The following AACS variants were observed in gnomAD, a reference collection of about 807,000 sequenced individuals.
The protein encoded by AACS is acetoacetate-CoA ligase.
Under a neutral mutation model 83.1 loss-of-function variants are expected in AACS, and 69 were observed. The ratio of observed to expected loss-of-function variants is 0.83; its 90% CI spans 0.68 to 1.01. The LOEUF is 1.01. Ranked by LOEUF, AACS falls within the 50% of genes least tolerant of loss-of-function variation. The probability of loss-of-function intolerance (pLI) is 0.00; values close to 1 mark genes in which losing one functional copy is unlikely to be tolerated. For synonymous variants in AACS, 333 were observed against 343.4 expected, an observed-to-expected ratio of 0.97 and a Z score of 0.33; for missense variants, 866 against 882.2, an observed-to-expected ratio of 0.98 and a Z score of 0.23.
chr12:125,122,921 C>T (rs1379028470), intron 10 of AACS: 1 of 152,238 alleles, frequency 6.6e-6, no homozygotes. Context: ...GCATGAGTGC[C>T]CGCAGGTGGG....
In AACS at chr12:125,073,880, T is replaced by A. The variant is rs1433550713; in HGVS notation, c.138T>A (p.Ser46Arg). 1 of 1,611,892 alleles carries A rather than the reference T, an allele frequency of 6.2e-7. No homozygotes were observed. The highest frequency in any genetic ancestry group is 8.5e-7 in the Non-Finnish European group (1 of 1,179,042). ...VGAACGLALE[S>R]YDDLYHWSVE... ...TCTGAGCTATTTCATTTTTAGAGAG[T>A]TATGATGACTTGTACCATTGGTCCG... Residue 46 changes from serine (S) to arginine (R), a missense_variant, in exon 2 of 18, where the codon AGT (serine) becomes AGA (arginine). Coordinates refer to ENST00000316519, the MANE Select transcript of AACS (RefSeq NM_023928.5).
intron 8 of AACS, among the ~76,000 whole-genome samples, chr12:125,109,610 C>T (rs12305181): frequency 1.3e-5 from 2 of 151,992 alleles, no homozygotes; most frequent in East Asian, 1.9e-4. Flanking sequence ...GAGTGTGTAG[C>T]GCGCTCATCA....
intron 3 of AACS, among the ~76,000 whole-genome samples, chr12:125,077,779 G>A (rs1026639344): frequency 3.3e-5 from 5 of 151,752 alleles, no homozygotes. Flanking sequence ...AGTGATCTCA[G>A]TTTGCTGCAA....
At chr12:125,076,734 A>G (rs1343075785) in intron 3 of AACS, 123 bp downstream of exon 3, 1 of 1,448,470 alleles carries the variant, frequency 6.9e-7, no homozygotes, top group East Asian at 2.3e-5. Context: ...TTCTGATGTA[A>G]TTAAGATTTC....
intron 3 of AACS, among the ~76,000 whole-genome samples, chr12:125,082,194 C>T (rs1956207089): frequency 7.4e-6 from 1 of 135,830 alleles, no homozygotes. Flanking sequence ...TTTTTGGAGA[C>T]AGGGTCTTGA....
chr12:125,104,034 AAT>A (rs1468097766), intron 7 of AACS, among the ~76,000 whole-genome samples: 1 of 133,364 alleles, frequency 7.5e-6, no homozygotes, highest in Non-Finnish European at 1.6e-5. Flanking sequence ...CTTCATTTTG[AAT>A]AGAGATTAAG....
chr12:125,085,283 C>T (rs553634927), intron 3 of AACS, among the ~76,000 whole-genome samples: 11 of 152,280 alleles, frequency 7.2e-5, no homozygotes, highest in Non-Finnish European at 1.5e-4. Flanking sequence ...CCTGGAACCA[C>T]GCACACGCAT....
intron 7 of AACS, among the ~76,000 whole-genome samples, chr12:125,103,708 G>T (rs1202847412): frequency 1.3e-5 from 2 of 152,068 alleles, no homozygotes; most frequent in Non-Finnish European, 2.9e-5. Flanking sequence ...TTCATTTTTG[G>T]CCAGGCATGG....
intron 5 of AACS, among the ~76,000 whole-genome samples, chr12:125,095,400 C>G (rs944287017): frequency 6.6e-6 from 1 of 152,174 alleles, no homozygotes; most frequent in African/African-American, 2.4e-5. Flanking sequence ...TATTTGAGCC[C>G]CAGATCACTG....
Position 125,076,389 on chromosome 12 carries a change from A to C in AACS, c.238-102A>C, listed in dbSNP as rs560924691. On this transcript the variant is annotated intron_variant, in intron 2 of 17. Coordinates refer to ENST00000316519, the MANE Select transcript of AACS (RefSeq NM_023928.5). ...CCAATGAGTGAGCTGGCTTCCTGGG[A>C]AGAAGAACCACTTTTGCTGATTTGT... The C allele has an allele frequency of 1.2e-5, 18 of 1,513,638 alleles. No homozygotes were observed. The African/African-American group carries it at 2.4e-4, about 20-fold the overall frequency. 93.8% of individuals were successfully genotyped at this position (1,513,638 alleles called of 1,614,324 possible).
rs780717330 is a variant in AACS, at chr12:125,142,104, G to A, written c.1894G>A (p.Gly632Ser). The A allele has an allele frequency of 5.6e-5, 90 of 1,613,932 alleles. No homozygotes were observed. The highest frequency in any genetic ancestry group is 4.0e-4 in the South Asian group (36 of 91,060). ...ETKGIPYTLNGKKVEVAVKQI... is the reference protein window; with the variant it reads ...ETKGIPYTLNSKKVEVAVKQI... ...CTTTCCCTCGCAGTATACGCTCAAC[G>A]GCAAGAAAGTGGAAGTTGCCGTCAA... The change falls in exon 18 of 18, where the codon GGC (glycine) becomes AGC (serine). Residue 632 changes from glycine (G) to serine (S), a missense_variant. Physicochemically the swap from Gly to Ser is moderately conservative, Grantham distance 56 (BLOSUM62 0). Transcript: ENST00000316519.
At position 125,102,989 on chromosome 12, in the gene AACS, G is replaced by C. The variant is rs1459814201; in HGVS notation, c.686-11G>C. On this transcript the variant is annotated splice_polypyrimidine_tract_variant and intron_variant, in intron 6 of 17. Coordinates refer to ENST00000316519, the MANE Select transcript of AACS (RefSeq NM_023928.5). ...CTGTAACCTTGTGTTTTCTCCTCTCGCTCCTTCCAGGCCTACCAGACTTGA... is the reference window on the plus strand; with the variant it reads ...CTGTAACCTTGTGTTTTCTCCTCTCCCTCCTTCCAGGCCTACCAGACTTGA... 6.2e-7 allele frequency: 1 copy of C among 1,609,188 alleles called. No homozygotes were observed. The highest frequency in any genetic ancestry group is 2.2e-5 in the East Asian group (1 of 44,844).
At chr12:125,131,901 T>C (rs1465566839) in intron 14 of AACS, among the ~76,000 whole-genome samples, 2 of 152,244 alleles carry the variant, frequency 1.3e-5, no homozygotes, top group Non-Finnish European at 2.9e-5. Flanking sequence ...CTGACCACTT[T>C]TTATTATTTT....
rs1367059634 is a variant in AACS at position 125,065,547 on chromosome 12, C to A, written c.-38C>A. On this transcript the variant is annotated 5_prime_UTR_variant, in exon 1 of 18. Transcript: ENST00000316519. ...CTCGCCTCAGCCCCGGCCCCTGGTC[C>A]CCAGCCCTCGTCGCAGCCCCGGCCG... is the stretch of plus-strand genomic sequence containing the variant. 6 of 1,486,824 alleles carry A rather than the reference C, an allele frequency of 4.0e-6. No individual in the cohort carries two copies. Among genetic ancestry groups the A allele is most frequent in the Non-Finnish European group, 5.4e-6 (6 of 1,118,672 alleles). 92.1% of individuals were successfully genotyped at this position (1,486,824 alleles called of 1,614,324 possible).
intron 9 of AACS, among the ~76,000 whole-genome samples, chr12:125,116,111 A>G (rs1281110108): frequency 6.6e-6 from 1 of 151,974 alleles, no homozygotes; most frequent in Non-Finnish European, 1.5e-5. Flanking sequence ...AACGTAGAAT[A>G]CCAGTGCCAG....
chr12:125,134,175 T>A (rs954092241), intron 15 of AACS, 103 bp downstream of exon 15: 5 of 1,254,276 alleles, frequency 4.0e-6, no homozygotes, highest in Admixed American at 4.1e-5. Flanking sequence ...ACCCCCTTCC[T>A]GGGCACCTCA....
chr12:125,112,678 CAAAA>C (rs56314902), intron 8 of AACS, among the ~76,000 whole-genome samples: 1 of 108,442 alleles, frequency 9.2e-6, no homozygotes, highest in Non-Finnish European at 1.8e-5. Context: ...GACTCTGTCT[CAAAA>C]AAAAAAAAAG....
chr12:125,092,941 C>T lies in AACS; in HGVS notation c.570+1418C>T, dbSNP rs116080203. On this transcript the variant is annotated intron_variant, in intron 5 of 17. Coordinates refer to ENST00000316519, the MANE Select transcript of AACS (RefSeq NM_023928.5). ...CAGGATGGCAGGGTGTGCTCAAGGC[C>T]GGGCAGGCTGGCTGCCTCTGCTCCA... is the stretch of plus-strand genomic sequence containing the variant. 6.9e-3 allele frequency among the ~76,000 whole-genome samples: 1,044 copies of T among 152,306 alleles called. 12 individuals are homozygous for T. Among genetic ancestry groups the T allele is most frequent in the African/African-American group, 0.024 (987 of 41,572 alleles).
intron 3 of AACS, among the ~76,000 whole-genome samples, chr12:125,077,254 T>C (rs1956047208): frequency 6.6e-6 from 1 of 151,888 alleles, no homozygotes; most frequent in Non-Finnish European, 1.5e-5. Context: ...ATTTTTAAAT[T>C]GTGTGTTCCA....
Sources: allele counts gnomAD v4.1 joint callset (sites outside exome capture counted in the v4.1 genomes callset), GRCh38; gene constraint gnomAD v4.1.1; transcripts MANE v1.5; gene names NCBI Gene and HGNC (gene_info 2026-07-23, HGNC 2026-07-21).